Variants in IL17RA observed in about 807,000 individuals in gnomAD.
The protein encoded by IL17RA is interleukin 17 receptor A.
Under a neutral mutation model 50.4 loss-of-function variants are expected in IL17RA, and 34 were observed. The ratio of observed to expected loss-of-function variants is 0.67; its 90% CI spans 0.51 to 0.90. The LOEUF (loss-of-function observed/expected upper bound fraction) is 0.90. Among genes scored for constraint, IL17RA ranks in the 40% least tolerant of loss-of-function variants. IL17RA has a pLI of 0.00. For missense variants in IL17RA, 1,276 were observed against 1,169.8 expected, an observed-to-expected ratio of 1.09 and a Z score of -1.32; for synonymous variants, 585 against 510.4, an observed-to-expected ratio of 1.15 and a Z score of -1.97.
rs2061428945 is a variant in IL17RA, at chr22:17,109,247, C to G, written c.2028C>G (p.Ala676=). 1.3e-6 allele frequency: 2 copies of G among 1,491,358 alleles called. No individual in the cohort carries two copies. The highest frequency in any genetic ancestry group is 4.4e-5 in the Admixed American group (2 of 45,408). 92.4% of individuals were successfully genotyped at this position (1,491,358 alleles called of 1,614,324 possible). ...HTLVLAAEEG[A]LVAAVEPGPL... ...TGGTGCTCGCCGCAGAGGAGGGGGCCCTGGTGGCCGCGGTGGAGCCTGGGC... is the reference window on the plus strand; with the variant it reads ...TGGTGCTCGCCGCAGAGGAGGGGGCGCTGGTGGCCGCGGTGGAGCCTGGGC... The change falls in exon 13 of 13, where the codon GCC becomes GCG. Residue 676 remains alanine (A), a synonymous_variant. Transcript: ENST00000319363.
At chr22:17,096,397 T>G (rs13340087) in intron 1 of IL17RA, among the ~76,000 whole-genome samples, 1 of 152,028 alleles carries the variant, frequency 6.6e-6, no homozygotes, top group South Asian at 2.1e-4. Context: ...CCCCAACAGA[T>G]CTGTCACAGA....
rs762369642 is a variant in IL17RA, at chr22:17,108,717, G to A, written c.1498G>A (p.Val500Ile). 2.5e-6 allele frequency: 4 copies of A among 1,610,860 alleles called. No homozygotes were observed. The highest frequency in any genetic ancestry group is 2.7e-5 in the African/African-American group (2 of 74,926). ...FKRPACFGTY[V>I]VCYFSEVSCD... ...GAGGCCAGCCTGCTTCGGCACCTAC[G>A]TAGTCTGCTACTTCAGCGAGGTCAG... Residue 500 changes from valine (V) to isoleucine (I), a missense_variant, in exon 13 of 13, where the codon GTA (valine) becomes ATA (isoleucine). By Grantham distance (29) the Val-to-Ile change is conservative. Coordinates refer to ENST00000319363, the MANE Select transcript of IL17RA (RefSeq NM_014339.7).
chr22:17,091,818 CGTT>C (rs377181923), intron 1 of IL17RA, among the ~76,000 whole-genome samples: 7 of 152,092 alleles, frequency 4.6e-5, no homozygotes, highest in Admixed American at 6.5e-5. Flanking sequence ...TCTGGGTCTT[CGTT>C]GTTGTTTTTG....
chr22:17,099,294 C>T (rs555836808), intron 4 of IL17RA, among the ~76,000 whole-genome samples: 1 of 152,144 alleles, frequency 6.6e-6, no homozygotes, highest in Non-Finnish European at 1.5e-5. Context: ...ACCGCCCAGA[C>T]CAAAGAACTG....
In IL17RA at chr22:17,105,705, G is replaced by A. The variant is rs34484815; in HGVS notation, c.943+103G>A. ...TCAGCCAGGCAGACAAGGCTGAACC[G>A]AGGCCAGCCCGGGGTGGGGGGTGAG... On this transcript the variant is annotated intron_variant, in intron 10 of 12. Coordinates refer to ENST00000319363, the MANE Select transcript of IL17RA (RefSeq NM_014339.7). 278,971 of 1,444,562 alleles carry A rather than the reference G, an allele frequency of 0.19. 30,022 individuals carry two copies. The highest frequency in any genetic ancestry group is 0.22 in the Non-Finnish European group (232,929 of 1,045,080). The allele number at this position is 1,444,562 out of a possible 1,614,324, so 89.5% of individuals were successfully genotyped here. A position where few individuals can be genotyped will look rare whatever the true frequency, so the allele number is the denominator to read the frequency against.
intron 5 of IL17RA, 40 bp from the exon 6 acceptor site, chr22:17,101,956 G>C: frequency 6.2e-7 from 1 of 1,613,468 alleles, no homozygotes; most frequent in Non-Finnish European, 8.5e-7. Context: ...GATTTCTGAA[G>C]GCAGAGGCTT....
intron 1 of IL17RA, among the ~76,000 whole-genome samples, chr22:17,094,280 C>A (rs1399826573): frequency 6.6e-6 from 1 of 152,076 alleles, no homozygotes; most frequent in Non-Finnish European, 1.5e-5. Context: ...AGCCACTGCG[C>A]CCAGCCAACA....
At chr22:17,097,692 C>T (rs1228880631) in intron 2 of IL17RA, 105 bp from the exon 3 acceptor site, 8 of 1,419,608 alleles carry the variant, frequency 5.6e-6, no homozygotes, top group East Asian at 2.3e-5. Context: ...GCTGGAAGGC[C>T]GCGGGCCCCT....
At chr22:17,093,295 A>G (rs1379094310) in intron 1 of IL17RA, among the ~76,000 whole-genome samples, 1 of 152,186 alleles carries the variant, frequency 6.6e-6, no homozygotes, top group Non-Finnish European at 1.5e-5. Flanking sequence ...TGACCTCCAA[A>G]TGCTGAAATC....
intron 1 of IL17RA, among the ~76,000 whole-genome samples, chr22:17,087,064 T>G (rs1268297196): frequency 6.6e-6 from 1 of 152,202 alleles, no homozygotes; most frequent in Non-Finnish European, 1.5e-5. Flanking sequence ...TTCCTTCCTC[T>G]CTCTCTCTTC....
chr22:17,101,561 T>C (rs1313046493), intron 5 of IL17RA, among the ~76,000 whole-genome samples: 1 of 152,196 alleles, frequency 6.6e-6, no homozygotes, highest in African/African-American at 2.4e-5. Flanking sequence ...TGGTGCTCAA[T>C]ATGTATTTGT....
intron 11 of IL17RA, among the ~76,000 whole-genome samples, chr22:17,107,362 A>C (rs2061418632): frequency 6.6e-6 from 1 of 152,240 alleles, no homozygotes; most frequent in Non-Finnish European, 1.5e-5. Context: ...GCCCCCCGGC[A>C]CTGGGGGTCC....
At chr22:17,095,817 A>G (rs1407156240) in intron 1 of IL17RA, among the ~76,000 whole-genome samples, 2 of 152,178 alleles carry the variant, frequency 1.3e-5, no homozygotes, top group Admixed American at 6.5e-5. Context: ...CAGGGCGAGA[A>G]GCACTTATGA....
At chr22:17,087,578 T>C (rs554455986) in intron 1 of IL17RA, among the ~76,000 whole-genome samples, 3 of 152,346 alleles carry the variant, frequency 2.0e-5, no homozygotes, top group Non-Finnish European at 4.4e-5. Flanking sequence ...CAGCTCTGCT[T>C]GGAAGGTAGT....
intron 1 of IL17RA, among the ~76,000 whole-genome samples, chr22:17,095,147 T>C (rs1017679164): frequency 6.6e-6 from 1 of 152,210 alleles, no homozygotes. Flanking sequence ...AAATGTAATC[T>C]AGCAGAATAT....
Position 17,105,895 on chromosome 22 carries a change from CCATCCTGCTGGTGGGCTCCGT to C in IL17RA, c.996_1016del (p.Val333_Leu339del). 6.2e-7 allele frequency: 1 copy of C among 1,614,192 alleles called. No individual in the cohort carries two copies. The highest frequency in any genetic ancestry group is 8.5e-7 in the Non-Finnish European group (1 of 1,180,038). On this transcript the variant is annotated inframe_deletion, in exon 11 of 13. Transcript: ENST00000319363. ...GTGTACTGGTTCATCACGGGCATCT[CCATCCTGCTGGTGGGCTCCGT>C]CATCCTGCTCATCGTCTGCATGACC...
rs1188655272 is a variant in IL17RA at position 17,103,584 on chromosome 22, G to T, written c.846+7G>T. ...CTGTCGCCACCAAGTGCAGGTGGGTGAGTGTGGTGTGGACAGGTGCAGGGA... is the reference window on the plus strand; with the variant it reads ...CTGTCGCCACCAAGTGCAGGTGGGTTAGTGTGGTGTGGACAGGTGCAGGGA... On this transcript the variant is annotated splice_region_variant and intron_variant, in intron 8 of 12. Coordinates refer to ENST00000319363, the MANE Select transcript of IL17RA (RefSeq NM_014339.7). The T allele has an allele frequency of 6.2e-7, 1 of 1,609,194 alleles. No individual in the cohort carries two copies. Among genetic ancestry groups the T allele is most frequent in the South Asian group, 1.1e-5 (1 of 90,320 alleles).
In IL17RA at chr22:17,102,021, A is replaced by G. The variant is rs771856235; in HGVS notation, c.576A>G (p.Val192=). The change falls in exon 6 of 13, where the codon GTA becomes GTG. Residue 192 remains valine, a synonymous_variant. Coordinates refer to ENST00000319363, the MANE Select transcript of IL17RA (RefSeq NM_014339.7). ...VPDCEHARMK[V]TTPCMSSGSL... ...ACTGTGAGCACGCCAGGATGAAGGT[A>G]ACCACGCCATGCATGAGCTCAGGTA... 1.9e-6 allele frequency: 3 copies of G among 1,614,226 alleles called. No individual in the cohort carries two copies. In the South Asian group the frequency reaches 3.3e-5, roughly 18 times the overall value.
chr22:17,089,066 G>T (rs1377119469), intron 1 of IL17RA, among the ~76,000 whole-genome samples: 1 of 152,160 alleles, frequency 6.6e-6, no homozygotes, highest in Non-Finnish European at 1.5e-5. Context: ...AAAATGCTGG[G>T]ATTACAAGCG....
Sources: gnomAD v4.1 joint callset for allele counts (sites outside exome capture counted in the v4.1 genomes callset) on GRCh38, gnomAD v4.1.1 for gene constraint, MANE v1.5 for transcripts, NCBI Gene and HGNC (gene_info 2026-07-23, HGNC 2026-07-21) for gene names.